The following MPHOSPH9 variants were observed in gnomAD, a reference collection of about 807,000 sequenced individuals.
MPHOSPH9 encodes the protein M-phase phosphoprotein 9.
In MPHOSPH9, 88 loss-of-function variants were observed where a neutral mutation model predicts 145.5. That is an observed-to-expected ratio of 0.60 (90% confidence interval 0.51 to 0.72). The LOEUF (loss-of-function observed/expected upper bound fraction) is 0.72, where lower values mean the gene tolerates loss of function less well. Among genes scored for constraint, MPHOSPH9 ranks in the 30% least tolerant of loss-of-function variants. The pLI is 0.00. For synonymous variants in MPHOSPH9, 435 were observed against 486.2 expected (o/e 0.89, Z 1.39); for missense variants, 1,238 against 1,386.6 (o/e 0.89, Z 1.70).
At chr12:123,162,479 T>C (rs2044151533) in intron 20 of MPHOSPH9, 2 of 236,104 alleles carry the variant, frequency 8.5e-6, no homozygotes, top group Admixed American at 1.1e-4. Flanking sequence ...AGCAGGGTAG[T>C]TATTATTATC....
chr12:123,211,469 T>C (rs1008269907), intron 7 of MPHOSPH9, among the ~76,000 whole-genome samples: 1 of 151,632 alleles, frequency 6.6e-6, no homozygotes, highest in African/African-American at 2.4e-5. Flanking sequence ...CCTCCTGTCT[T>C]AGCCCCACAA....
rs572518669 is a variant in MPHOSPH9, at chr12:123,168,544, G to A, written c.2457-1755C>T. Among the ~76,000 whole-genome samples, 5 of 151,650 alleles carry A rather than the reference G, an allele frequency of 3.3e-5. No homozygotes were observed. The East Asian group carries it at 5.8e-4, about 18-fold the overall frequency. On this transcript the variant is annotated intron_variant, in intron 16 of 23. Coordinates refer to ENST00000606320, the MANE Select transcript of MPHOSPH9 (RefSeq NM_022782.4). ...TTTTTAGTAGAGACGGGGTTTCACC[G>A]TGTTAGCCAGGATGGTCTCGATCTC...
intron 8 of MPHOSPH9, among the ~76,000 whole-genome samples, chr12:123,208,912 G>T (rs1388324094): frequency 6.6e-6 from 1 of 151,948 alleles, no homozygotes; most frequent in African/African-American, 2.4e-5. Flanking sequence ...TTTAAAAGTG[G>T]AATTTTTAAT....
intron 14 of MPHOSPH9, among the ~76,000 whole-genome samples, chr12:123,180,613 C>T (rs931638559): frequency 1.3e-5 from 2 of 152,082 alleles, no homozygotes; most frequent in African/African-American, 2.4e-5. Flanking sequence ...TGGCTCATGC[C>T]CATAATCCCA....
At chr12:123,179,376 C>A (rs773687350) in intron 15 of MPHOSPH9, among the ~76,000 whole-genome samples, 1 of 152,102 alleles carries the variant, frequency 6.6e-6, no homozygotes, top group Non-Finnish European at 1.5e-5. Context: ...GAGTTCAAGA[C>A]CAGTCTGGCC....
At chr12:123,171,641 TG>T (rs1027678658) in intron 16 of MPHOSPH9, among the ~76,000 whole-genome samples, 5 of 151,136 alleles carry the variant, frequency 3.3e-5, no homozygotes, top group African/African-American at 1.2e-4. Context: ...CCCAGCTACT[TG>T]GGAAGCTGAG....
At chr12:123,236,540 G>A (rs1565989596), upstream of MPHOSPH9, among the ~76,000 whole-genome samples, 1 of 151,524 alleles carries the variant, frequency 6.6e-6, no homozygotes, top group Non-Finnish European at 1.5e-5. Flanking sequence ...GCTGCACTGA[G>A]CCATTTTTAT....
In MPHOSPH9 at chr12:123,177,232, A is replaced by G. The variant is rs112368674; in HGVS notation, c.2355-443T>C. 8.1e-4 allele frequency among the ~76,000 whole-genome samples: 122 copies of G among 151,446 alleles called. 2 individuals carry two copies. Among genetic ancestry groups the G allele is most frequent in the African/African-American group, 2.8e-3 (117 of 41,284 alleles). ...ACATTTTTCATAGTAAAACATCACC[A>G]TTATTTAAAAAGCTAAATAAGCCAG... On this transcript the variant is annotated intron_variant, in intron 15 of 23. Coordinates refer to ENST00000606320, the MANE Select transcript of MPHOSPH9 (RefSeq NM_022782.4).
intron 3 of MPHOSPH9, among the ~76,000 whole-genome samples, chr12:123,226,563 A>G (rs1013498866): frequency 6.6e-6 from 1 of 151,734 alleles, no homozygotes; most frequent in Non-Finnish European, 1.5e-5. Context: ...ATGTTGCCCA[A>G]GCAGGTCACA....
In MPHOSPH9 at chr12:123,202,838, T is replaced by C. The variant is rs777885940; in HGVS notation, c.1567A>G (p.Asn523Asp). 3.1e-6 allele frequency: 5 copies of C among 1,614,014 alleles called. No individual in the cohort carries two copies. In the African/African-American group the frequency reaches 6.7e-5, roughly 22 times the overall value. The change falls in exon 10 of 24, where the codon AAT (asparagine) becomes GAT (aspartate). Residue 523 changes from asparagine (N) to aspartate (D), a missense_variant. This residue lies in a region of MPHOSPH9 where 837 missense variants were observed against 897.5 expected (regional missense o/e 0.93). Transcript: ENST00000606320. Reference protein sequence around the residue: ...TKASPVDSWKNQTFQNESRTS... With the variant: ...TKASPVDSWKDQTFQNESRTS... The stretch of plus-strand genomic sequence containing the variant: ...CTACTTTCGTTTTGGAATGTCTGAT[T>C]TTTCCAAGAGTCCACCGGAGAAGCT...
chr12:123,233,279 A>T (rs1391970670), upstream of MPHOSPH9: 6 of 152,046 alleles, frequency 3.9e-5, no homozygotes, highest in Non-Finnish European at 7.3e-5. Flanking sequence ...ACCCCGGGGG[A>T]GTGACAAGGG....
At chr12:123,210,910 A>G (rs1593201718) in intron 7 of MPHOSPH9, among the ~76,000 whole-genome samples, 1 of 149,574 alleles carries the variant, frequency 6.7e-6, no homozygotes, top group Admixed American at 6.7e-5. Flanking sequence ...CTCCTGCCTC[A>G]GCCTCCTGAG....
chr12:123,162,357 T>G, intron 20 of MPHOSPH9, 139 bp from the exon 21 acceptor site: 1 of 414,668 alleles, frequency 2.4e-6, no homozygotes, highest in Non-Finnish European at 4.2e-6. Flanking sequence ...TGTAATTGTC[T>G]AAAACTGAAA....
intron 13 of MPHOSPH9, among the ~76,000 whole-genome samples, chr12:123,183,687 T>C (rs1374775819): frequency 6.6e-6 from 1 of 152,050 alleles, no homozygotes; most frequent in East Asian, 1.9e-4. Context: ...GATGCCCACC[T>C]TGAAACCCAG....
chr12:123,230,359 T>G lies in MPHOSPH9; in HGVS notation c.6A>C (p.Glu2Asp). 1.3e-6 allele frequency: 2 copies of G among 1,514,952 alleles called. No individual in the cohort carries two copies. The highest frequency in any genetic ancestry group is 1.8e-6 in the Non-Finnish European group (2 of 1,130,406). The allele number at this position is 1,514,952 out of a possible 1,614,324, so 93.8% of individuals were successfully genotyped here. The change falls in exon 2 of 24, where the codon GAA becomes GAC. Residue 2 changes from glutamate to aspartate, a missense_variant. Around this residue, in one of 3 missense-constraint regions of MPHOSPH9, gnomAD observed 837 missense variants for 897.5 expected, o/e 0.93. Transcript: ENST00000606320. The part of the protein sequence containing the change: M[E>D]EFDLVKTLHK... ...GTAAGGTTTTCACCAAGTCAAACTCTTCCATAGTGTACAGAAATTGTTATA... is the reference window on the plus strand; with the variant it reads ...GTAAGGTTTTCACCAAGTCAAACTCGTCCATAGTGTACAGAAATTGTTATA...
At chr12:123,208,953 G>A (rs1228619464) in intron 8 of MPHOSPH9, among the ~76,000 whole-genome samples, 1 of 152,098 alleles carries the variant, frequency 6.6e-6, no homozygotes, top group African/African-American at 2.4e-5. Context: ...TTTTTGCTGA[G>A]GCGGAGTCTC....
chr12:123,163,911 C>A (rs1202914413), intron 19 of MPHOSPH9, 39 bp downstream of exon 19: 1 of 1,609,928 alleles, frequency 6.2e-7, no homozygotes, highest in Admixed American at 1.7e-5. Context: ...TCAGAGATCA[C>A]GCTTTTGAAC....
chr12:123,174,337 C>T (rs2138021342), intron 16 of MPHOSPH9, among the ~76,000 whole-genome samples: 1 of 151,750 alleles, frequency 6.6e-6, no homozygotes, highest in South Asian at 2.1e-4. Context: ...TACATCCATT[C>T]TACAACTTTA....
intron 1 of MPHOSPH9, among the ~76,000 whole-genome samples, chr12:123,240,339 C>G (rs1007708521): frequency 5.3e-5 from 8 of 151,120 alleles, no homozygotes; most frequent in Non-Finnish European, 5.9e-5. Flanking sequence ...GTGACGGAGA[C>G]TCCGTCTAAA....
Sources: gnomAD v4.1 joint callset for allele counts (sites outside exome capture counted in the v4.1 genomes callset) on GRCh38, gnomAD v4.1.1 for gene constraint, gnomAD v4.1.1 regional missense constraint, MANE v1.5 for transcripts, NCBI Gene and HGNC (gene_info 2026-07-23, HGNC 2026-07-21) for gene names.